PACRG: variants seen among roughly 807,000 people sequenced by gnomAD.
The protein encoded by PACRG is parkin coregulated gene protein.
PACRG carries 29 observed loss-of-function variants against 29.7 expected under a neutral mutation model. The ratio of observed to expected loss-of-function variants is 0.98; its 90% CI spans 0.73 to 1.33. The LOEUF is 1.33. Among genes scored for constraint, PACRG ranks in the 40% most tolerant of loss-of-function variants. The probability of loss-of-function intolerance (pLI) is 0.00; values close to 1 mark genes in which losing one functional copy is unlikely to be tolerated. For synonymous variants in PACRG, 116 were observed against 118.7 expected (o/e 0.98, Z 0.15); for missense variants, 279 against 316.2 (o/e 0.88, Z 0.89).
intron 4 of PACRG, among the ~76,000 whole-genome samples, chr6:163,191,408 G>C (rs537730063): frequency 4.6e-5 from 7 of 152,206 alleles, no homozygotes; most frequent in African/African-American, 1.7e-4. Flanking sequence ...TTTATGGCGA[G>C]TGGCCCCCCA....
At chr6:162,923,100 TTGA>T (rs1300432809) in intron 2 of PACRG, among the ~76,000 whole-genome samples, 1 of 152,220 alleles carries the variant, frequency 6.6e-6, no homozygotes, top group African/African-American at 2.4e-5. Context: ...CACTGTGGTC[TTGA>T]TTTGCATTTC....
intron 4 of PACRG, chr6:163,095,461 C>A (rs1287846807): frequency 1.5e-5 from 15 of 969,456 alleles, no homozygotes; most frequent in Non-Finnish European, 3.7e-6. Context: ...AGCCACGTAA[C>A]AAATTACCAT....
At chr6:163,186,936 T>A (rs1779967037) in intron 4 of PACRG, among the ~76,000 whole-genome samples, 1 of 152,138 alleles carries the variant, frequency 6.6e-6, no homozygotes, top group South Asian at 2.1e-4. Context: ...GCTCTTGACA[T>A]TTTCCCCGGG....
At chr6:163,108,559 ATTTT>A (rs34079912) in intron 4 of PACRG, among the ~76,000 whole-genome samples, 1 of 148,704 alleles carries the variant, frequency 6.7e-6, no homozygotes, top group African/African-American at 2.5e-5. Context: ...CACCCAGCTA[ATTTT>A]TTTTTTGTCT....
At chr6:163,212,856 G>A (rs1781207848) in intron 4 of PACRG, among the ~76,000 whole-genome samples, 1 of 151,168 alleles carries the variant, frequency 6.6e-6, no homozygotes, top group Non-Finnish European at 1.5e-5. Flanking sequence ...TCGGCTCACT[G>A]CAAGCTATGC....
chr6:162,951,721 A>G (rs1799666774), intron 2 of PACRG, among the ~76,000 whole-genome samples: 1 of 152,094 alleles, frequency 6.6e-6, no homozygotes, highest in Admixed American at 6.5e-5. Context: ...ATTTCTTTTT[A>G]TTTTAAAGAT....
At chr6:162,753,037 A>C (rs1398220955) in intron 1 of PACRG, among the ~76,000 whole-genome samples, 1 of 152,202 alleles carries the variant, frequency 6.6e-6, no homozygotes, top group East Asian at 1.9e-4. Context: ...TGATATATGT[A>C]TACAATGTGG....
intron 2 of PACRG, among the ~76,000 whole-genome samples, chr6:162,929,553 C>G (rs563477581): frequency 1.3e-5 from 2 of 152,164 alleles, no homozygotes; most frequent in Non-Finnish European, 2.9e-5. Context: ...TTGATTGTTT[C>G]CTTGCTGTGC....
intron 1 of PACRG, among the ~76,000 whole-genome samples, chr6:162,786,548 G>A (rs1784481076): frequency 6.6e-6 from 1 of 152,188 alleles, no homozygotes; most frequent in Non-Finnish European, 1.5e-5. Flanking sequence ...TTCATGGAGA[G>A]AACGCCTAGG....
At chr6:163,213,239 A>G (rs2128155794) in intron 4 of PACRG, among the ~76,000 whole-genome samples, 1 of 152,202 alleles carries the variant, frequency 6.6e-6, no homozygotes, top group East Asian at 1.9e-4. Flanking sequence ...CAATTGAGGG[A>G]TGTTCAATTT....
intron 2 of PACRG, among the ~76,000 whole-genome samples, chr6:162,892,618 G>A (rs917844649): frequency 9.9e-5 from 15 of 152,248 alleles, no homozygotes; most frequent in Admixed American, 9.8e-4. Flanking sequence ...ATGCCGCATT[G>A]CCATGGACTG....
At position 163,121,225 on chromosome 6, in the gene PACRG, T is replaced by C. The variant is rs114912180; in HGVS notation, c.613+31817T>C. 5.7e-3 allele frequency among the ~76,000 whole-genome samples: 862 copies of C among 152,314 alleles called. 4 individuals carry two copies. Among genetic ancestry groups the C allele is most frequent in the African/African-American group, 0.02 (812 of 41,566 alleles). On this transcript the variant is annotated intron_variant, in intron 4 of 4. Coordinates refer to ENST00000366888, the MANE Select transcript of PACRG (RefSeq NM_001080379.2). ...ATTATTTTGTTGTGAAGAACAAATA[T>C]TATAAAGGACCTTATAAACCATAAA... is the stretch of plus-strand genomic sequence containing the variant.
At chr6:163,054,895 C>T (rs554096573) in intron 2 of PACRG, among the ~76,000 whole-genome samples, 16 of 152,276 alleles carry the variant, frequency 1.1e-4, no homozygotes, top group Middle Eastern at 3.4e-3. Flanking sequence ...CGCCTCCCCC[C>T]TGGCTGTCTC....
intron 4 of PACRG, among the ~76,000 whole-genome samples, chr6:163,280,607 T>C (rs1784195512): frequency 6.6e-6 from 1 of 152,152 alleles, no homozygotes; most frequent in Non-Finnish European, 1.5e-5. Flanking sequence ...TAATCTCACA[T>C]TTGTGGAGAC....
chr6:163,183,190 C>G (rs1779755740), intron 4 of PACRG: 1 of 152,168 alleles, frequency 6.6e-6, no homozygotes, highest in Non-Finnish European at 1.5e-5. Flanking sequence ...GCCACTGGCT[C>G]TAAGAGAGTG....
chr6:162,973,032 G>C (rs1801658626), intron 2 of PACRG, among the ~76,000 whole-genome samples: 1 of 152,180 alleles, frequency 6.6e-6, no homozygotes, highest in South Asian at 2.1e-4. Flanking sequence ...TCTCTATCAT[G>C]GAGAAACTTA....
At chr6:162,873,988 G>T (rs1175268537) in intron 2 of PACRG, among the ~76,000 whole-genome samples, 2 of 151,950 alleles carry the variant, frequency 1.3e-5, no homozygotes, top group Non-Finnish European at 2.9e-5. Flanking sequence ...TTACAAGTGA[G>T]CAGCGCTTCT....
intron 1 of PACRG, among the ~76,000 whole-genome samples, chr6:162,787,580 GTGTATATATATATATATATATA>G (rs1451124935): frequency 1.4e-5 from 1 of 69,172 alleles, no homozygotes; most frequent in Non-Finnish European, 2.8e-5. Flanking sequence ...GTGTGTGTGT[GTGTATATATATATATATATATA>G]TATATATATA....
At chr6:163,037,925 G>A (rs1808358699) in intron 2 of PACRG, among the ~76,000 whole-genome samples, 1 of 152,092 alleles carries the variant, frequency 6.6e-6, no homozygotes, top group African/African-American at 2.4e-5. Flanking sequence ...TAAATATTTG[G>A]GTACCCACTT....
Sources: allele counts gnomAD v4.1 joint callset (sites outside exome capture counted in the v4.1 genomes callset), GRCh38; gene constraint gnomAD v4.1.1; transcripts MANE v1.5; gene names NCBI Gene and HGNC (gene_info 2026-07-23, HGNC 2026-07-21).